Variants in RAB44 observed in about 807,000 individuals in gnomAD.
RAB44 encodes the protein RAB44, member RAS oncogene family, also known as ras-related protein Rab-44.
A neutral mutation model predicts 93.3 loss-of-function variants in RAB44; 67 were observed. That is an observed-to-expected ratio of 0.72 (90% CI 0.59 to 0.88). RAB44 has a LOEUF of 0.88. Ranked by LOEUF, RAB44 falls within the 40% of genes least tolerant of loss-of-function variation. RAB44 has a pLI of 0.00. For missense variants in RAB44, 1,064 were observed against 1,261.7 expected, an observed-to-expected ratio of 0.84 and a Z score of 2.37; for synonymous variants, 427 against 520.3, an observed-to-expected ratio of 0.82 and a Z score of 2.44.
At chr6:36,706,755 C>T (rs1363244046) in intron 2 of RAB44, among the ~76,000 whole-genome samples, 1 of 149,778 alleles carries the variant, frequency 6.7e-6, no homozygotes, top group East Asian at 2.0e-4. Context: ...GAGACAGGGT[C>T]TTGCTCTTTC....
chr6:36,719,398 G>A (rs544221318), intron 7 of RAB44, among the ~76,000 whole-genome samples: 5 of 152,246 alleles, frequency 3.3e-5, no homozygotes, highest in Non-Finnish European at 4.4e-5. Flanking sequence ...GGGCCATTTC[G>A]TCCTGTCCCC....
Position 36,727,554 on chromosome 6 carries a change from C to T in RAB44, c.2682-23C>T, listed in dbSNP as rs1465471495. ...CCTGGGGTCTGGATGCCTGGTGTGGCCTCATGCAGACTCTCTGGGCAGGTA... is the reference window on the plus strand; with the variant it reads ...CCTGGGGTCTGGATGCCTGGTGTGGTCTCATGCAGACTCTCTGGGCAGGTA... On this transcript the variant is annotated intron_variant, in intron 10 of 13. Transcript: ENST00000612677. 6.6e-6 allele frequency: 10 copies of T among 1,522,274 alleles called. No individual in the cohort carries two copies. The East Asian group carries it at 1.5e-4, about 22-fold the overall frequency. The allele number at this position is 1,522,274 out of a possible 1,614,324, so 94.3% of individuals were successfully genotyped here. A position where few individuals can be genotyped will look rare whatever the true frequency, so the allele number is the denominator to read the frequency against.
chr6:36,730,704 C>T lies in RAB44; in HGVS notation c.2930C>T (p.Ala977Val), dbSNP rs988922843. 7 of 1,234,256 alleles carry T rather than the reference C, an allele frequency of 5.7e-6. No individual in the cohort carries two copies. The highest frequency in any genetic ancestry group is 7.1e-6 in the Non-Finnish European group (7 of 988,224). The allele number at this position is 1,234,256 out of a possible 1,614,324, so 76.5% of individuals were successfully genotyped here. A position where few individuals can be genotyped will look rare whatever the true frequency, so the allele number is the denominator to read the frequency against. The stretch of plus-strand genomic sequence containing the variant: ...GGGGTCTATTTTGGGGAGTGCAGTG[C>T]CGCCTTGGGTCACAACATCCTGGAG... ...ELGVYFGECS[A>V]ALGHNILEPV... The change falls in exon 13 of 14, where the codon GCC becomes GTC. Residue 977 changes from alanine (A) to valine (V), a missense_variant. Physicochemically the swap from Ala to Val is moderately conservative, Grantham distance 64. Coordinates refer to ENST00000612677, the MANE Select transcript of RAB44 (RefSeq NM_001257357.2).
intron 1 of RAB44, among the ~76,000 whole-genome samples, chr6:36,699,344 G>A (rs1307593790): frequency 6.6e-6 from 1 of 152,122 alleles, no homozygotes; most frequent in Non-Finnish European, 1.5e-5. Flanking sequence ...TGGCTGCAGG[G>A]AATTTCTTCC....
chr6:36,706,568 C>G (rs1295674145), intron 2 of RAB44, among the ~76,000 whole-genome samples: 2 of 152,088 alleles, frequency 1.3e-5, no homozygotes, highest in Admixed American at 1.3e-4. Context: ...GCTTGTCACA[C>G]CTGATTAAAT....
chr6:36,705,597 G>A (rs1430198583), intron 2 of RAB44, among the ~76,000 whole-genome samples: 1 of 152,078 alleles, frequency 6.6e-6, no homozygotes, highest in African/African-American at 2.4e-5. Context: ...TGGTCAGGCT[G>A]GTCTCGAGCT....
At chr6:36,726,235 G>T (rs1330021334) in intron 10 of RAB44, among the ~76,000 whole-genome samples, 4 of 152,158 alleles carry the variant, frequency 2.6e-5, no homozygotes, top group Non-Finnish European at 4.4e-5. Flanking sequence ...AACCTAGGCA[G>T]TAGTGATCAA....
chr6:36,731,165 C>CCA lies in RAB44; in HGVS notation c.2975+424_2975+425dup, dbSNP rs1051178611. 2.7e-5 allele frequency among the ~76,000 whole-genome samples: 4 copies of CCA among 148,526 alleles called. No homozygotes were observed. The highest frequency in any genetic ancestry group is 9.9e-5 in the African/African-American group (4 of 40,288). Reference sequence around the variant, plus strand: ...TACACACACACACATTCACTCACACCCACACACACTCACACTCTTACACAC... The same window carrying CCA: ...TACACACACACACATTCACTCACACCCACACACACACTCACACTCTTACACAC... On this transcript the variant is annotated intron_variant, in intron 13 of 13. Transcript: ENST00000612677. The surrounding 1 kb of genome is among the most constrained non-coding windows in gnomAD (Gnocchi z 4.0).
intron 2 of RAB44, among the ~76,000 whole-genome samples, chr6:36,711,020 A>G (rs1762774543): frequency 6.6e-6 from 1 of 152,266 alleles, no homozygotes; most frequent in Non-Finnish European, 1.5e-5. Flanking sequence ...TAAAAAATAT[A>G]TCAACTTAAA....
At chr6:36,704,084 C>A in intron 1 of RAB44, 140 bp from the exon 2 acceptor site, 2 of 731,284 alleles carry the variant, frequency 2.7e-6, no homozygotes, top group Non-Finnish European at 4.5e-6. Flanking sequence ...GTCAGAGGAC[C>A]CGGCGGGACA....
intron 1 of RAB44, among the ~76,000 whole-genome samples, chr6:36,700,005 C>A (rs770521712): frequency 1.1e-4 from 16 of 152,118 alleles, no homozygotes; most frequent in Admixed American, 7.2e-4. Context: ...TGGTCATCTC[C>A]CTACTCACGT....
At chr6:36,718,255 G>T in intron 6 of RAB44, 137 bp downstream of exon 6, 1 of 543,414 alleles carries the variant, frequency 1.8e-6, no homozygotes. Flanking sequence ...TGAGCAGCTG[G>T]TGTTCCCCAG....
intron 10 of RAB44, among the ~76,000 whole-genome samples, 152 bp downstream of exon 10, chr6:36,726,095 A>C (rs1290183458): frequency 1.3e-5 from 2 of 152,168 alleles, no homozygotes; most frequent in African/African-American, 4.8e-5. Flanking sequence ...AGCCCAAGGC[A>C]GGGGAGAGAG....
chr6:36,730,673 G>C lies in RAB44; in HGVS notation c.2899G>C (p.Glu967Gln), dbSNP rs367619374. The C allele has an allele frequency of 6.0e-5, 74 of 1,234,230 alleles. 1 individual carries two copies. In the South Asian group the frequency reaches 2.6e-3, roughly 43 times the overall value. 76.5% of individuals were successfully genotyped at this position (1,234,230 alleles called of 1,614,324 possible). Residue 967 changes from glutamate to glutamine, a missense_variant and splice_region_variant, in exon 13 of 14, where the codon GAA becomes CAA. By Grantham distance (29) the Glu-to-Gln change is conservative. Coordinates refer to ENST00000612677, the MANE Select transcript of RAB44 (RefSeq NM_001257357.2). ...ATGTCCCTCCCTGTCTGGCCTGCAG[G>C]AACTGGGGGTCTATTTTGGGGAGTG... ...SVEAGQQLAQELGVYFGECSA... is the reference protein window; with the variant it reads ...SVEAGQQLAQQLGVYFGECSA...
chr6:36,732,419 TG>T lies in RAB44; in HGVS notation c.*336del, dbSNP rs35488154. 0.011 allele frequency: 1,193 copies of T among 105,036 alleles called. 14 individuals are homozygous for T. Among genetic ancestry groups the T allele is most frequent in the African/African-American group, 0.026 (757 of 29,484 alleles). The allele number at this position is 105,036 out of a possible 1,614,324, so 6.5% of individuals were successfully genotyped here. A position where few individuals can be genotyped will look rare whatever the true frequency, so the allele number is the denominator to read the frequency against. On this transcript the variant is annotated 3_prime_UTR_variant, in exon 14 of 14. Transcript: ENST00000612677. ...TGGGTGTAAAATTTTAGGGAGAATG[TG>T]GGGGGGGGGTGTTACTTTCCATTTT...
chr6:36,715,456 C>G, intron 3 of RAB44, 23 bp from the exon 4 acceptor site: 1 of 1,535,574 alleles, frequency 6.5e-7, no homozygotes, highest in Middle Eastern at 1.7e-4. Flanking sequence ...CTGTGCTCCC[C>G]TCTGTCCACT....
chr6:36,708,709 A>T (rs1582616525), intron 2 of RAB44, among the ~76,000 whole-genome samples: 1 of 152,090 alleles, frequency 6.6e-6, no homozygotes, highest in East Asian at 1.9e-4. Flanking sequence ...ATAAGTTCAA[A>T]ACAAAGCAGA....
intron 4 of RAB44, 47 bp downstream of exon 4, chr6:36,715,700 T>C (rs1433286333): frequency 6.6e-7 from 1 of 1,520,928 alleles, no homozygotes; most frequent in Non-Finnish European, 8.8e-7. Flanking sequence ...TGCCAGCCAT[T>C]GACGGCAGGG....
chr6:36,729,754 A>T (rs1239537663), intron 12 of RAB44, among the ~76,000 whole-genome samples: 1 of 152,198 alleles, frequency 6.6e-6, no homozygotes. Context: ...AAGTGCTGGG[A>T]TTACAGGCGT....
Sources: gnomAD v4.1 joint callset for allele counts (sites outside exome capture counted in the v4.1 genomes callset) on GRCh38, gnomAD v4.1.1 for gene constraint, Gnocchi (gnomAD v3.1) non-coding constraint, MANE v1.5 for transcripts, NCBI Gene and HGNC (gene_info 2026-07-23, HGNC 2026-07-21) for gene names.